The following SGCZ variants were observed in gnomAD, a reference collection of about 807,000 sequenced individuals.
SGCZ encodes zeta-sarcoglycan.
In SGCZ, 40 loss-of-function variants were observed where a neutral mutation model predicts 41.3. The observed-to-expected ratio is 0.97, with a 90% CI of 0.75 to 1.26. The LOEUF (loss-of-function observed/expected upper bound fraction) is 1.26, where lower values mean the gene tolerates loss of function less well. Ranked by LOEUF, SGCZ falls within the 50% of genes most tolerant of loss-of-function variation. SGCZ has a pLI of 0.00. For missense variants in SGCZ, 552 were observed against 369.8 expected (o/e 1.49, Z -4.04); for synonymous variants, 206 against 137.5 (o/e 1.50, Z -3.49).
chr8:15,097,405 T>C (rs1338274354), intron 1 of SGCZ, among the ~76,000 whole-genome samples: 2 of 151,966 alleles, frequency 1.3e-5, no homozygotes, highest in Non-Finnish European at 2.9e-5. Context: ...ACCGCAACTA[T>C]AGTCAGTGCA....
chr8:14,795,128 G>A (rs1308196356), intron 1 of SGCZ, among the ~76,000 whole-genome samples: 2 of 152,238 alleles, frequency 1.3e-5, no homozygotes, highest in East Asian at 1.9e-4. Context: ...AAGTAGGAGG[G>A]TTTAAAATCA....
intron 4 of SGCZ, among the ~76,000 whole-genome samples, chr8:14,209,705 T>C (rs1480579365): frequency 6.6e-6 from 1 of 152,202 alleles, no homozygotes; most frequent in Admixed American, 6.5e-5. Flanking sequence ...TAAATTTATG[T>C]GACATATTTA....
At chr8:14,910,193 C>T (rs1423274570) in intron 1 of SGCZ, among the ~76,000 whole-genome samples, 1 of 98,538 alleles carries the variant, frequency 1.0e-5, no homozygotes, top group Non-Finnish European at 1.9e-5. Flanking sequence ...ACATATCTTC[C>T]ATCTACTCAT....
intron 1 of SGCZ, among the ~76,000 whole-genome samples, chr8:14,935,623 G>A (rs961446136): frequency 6.6e-6 from 1 of 151,674 alleles, no homozygotes; most frequent in South Asian, 2.1e-4. Flanking sequence ...TAAAGGTGCA[G>A]ATAAAAAGTC....
chr8:14,427,140 T>C (rs1799810589), intron 2 of SGCZ, among the ~76,000 whole-genome samples: 1 of 151,754 alleles, frequency 6.6e-6, no homozygotes, highest in African/African-American at 2.4e-5. Context: ...AATGTGCTCA[T>C]TCAAGTAGAA....
At position 14,720,073 on chromosome 8, in the gene SGCZ, G is replaced by T. The variant is rs113957190; in HGVS notation, c.40-165147C>A. Among the ~76,000 whole-genome samples, 305 of 152,042 alleles carry T rather than the reference G, an allele frequency of 2.0e-3. 2 individuals carry two copies. Among genetic ancestry groups the T allele is most frequent in the African/African-American group, 7.1e-3 (295 of 41,512 alleles). Reference sequence around the variant, plus strand: ...GATCCAGTTTCAGCTTTCTACATATGGCTAGCCAGTTTTCCCAGCAAGTTC... The same window carrying T: ...GATCCAGTTTCAGCTTTCTACATATTGCTAGCCAGTTTTCCCAGCAAGTTC... On this transcript the variant is annotated intron_variant, in intron 1 of 7. Coordinates refer to ENST00000382080, the MANE Select transcript of SGCZ (RefSeq NM_139167.4).
intron 2 of SGCZ, among the ~76,000 whole-genome samples, chr8:14,533,735 T>C (rs1270738713): frequency 6.6e-6 from 1 of 152,052 alleles, no homozygotes; most frequent in Non-Finnish European, 1.5e-5. Flanking sequence ...TGGCAGATGA[T>C]AAGTTTAAAC....
intron 2 of SGCZ, among the ~76,000 whole-genome samples, chr8:14,379,477 T>G (rs1202627316): frequency 6.6e-6 from 1 of 152,150 alleles, no homozygotes; most frequent in Admixed American, 6.5e-5. Flanking sequence ...ACAGGTATAA[T>G]CTTGGGCAAA....
chr8:14,355,424 A>G (rs1369615127), intron 2 of SGCZ, among the ~76,000 whole-genome samples: 2 of 152,054 alleles, frequency 1.3e-5, no homozygotes, highest in Non-Finnish European at 2.9e-5. Context: ...AGAGACTTTC[A>G]TTTATTCTTT....
chr8:14,675,891 A>T (rs1808262232), intron 1 of SGCZ, among the ~76,000 whole-genome samples: 1 of 152,162 alleles, frequency 6.6e-6, no homozygotes, highest in Admixed American at 6.5e-5. Context: ...CTGAGTTTGG[A>T]GACAGGTTTC....
At chr8:14,831,675 A>G (rs1038292915) in intron 1 of SGCZ, among the ~76,000 whole-genome samples, 1 of 151,392 alleles carries the variant, frequency 6.6e-6, no homozygotes, top group African/African-American at 2.4e-5. Flanking sequence ...CACTTGTCTC[A>G]GTATACAATT....
chr8:15,170,279 C>A (rs759656662), intron 1 of SGCZ, among the ~76,000 whole-genome samples: 7 of 152,198 alleles, frequency 4.6e-5, no homozygotes, highest in African/African-American at 7.2e-5. Flanking sequence ...CTCAAGGACA[C>A]ATTTGATCTA....
chr8:14,122,293 A>C (rs1802722969), intron 5 of SGCZ, among the ~76,000 whole-genome samples: 1 of 152,098 alleles, frequency 6.6e-6, no homozygotes, highest in East Asian at 1.9e-4. Context: ...AACAAAACAA[A>C]ACAAAAGACT....
At chr8:15,144,913 TCTG>T (rs1176616632) in intron 1 of SGCZ, among the ~76,000 whole-genome samples, 1 of 152,220 alleles carries the variant, frequency 6.6e-6, no homozygotes, top group Non-Finnish European at 1.5e-5. Flanking sequence ...ATACATTCCA[TCTG>T]CTGCTTTTAT....
intron 2 of SGCZ, among the ~76,000 whole-genome samples, chr8:14,336,301 T>C (rs1802504082): frequency 6.6e-6 from 1 of 152,180 alleles, no homozygotes; most frequent in East Asian, 1.9e-4. Flanking sequence ...GTGCCACATT[T>C]TTTATTCAGT....
intron 1 of SGCZ, among the ~76,000 whole-genome samples, chr8:14,625,736 T>A (rs752630117): frequency 1.3e-5 from 2 of 152,110 alleles, no homozygotes; most frequent in Non-Finnish European, 2.9e-5. Context: ...TGGCTAGAAG[T>A]GAACAGTGTA....
At chr8:14,892,651 G>A (rs564901712) in intron 1 of SGCZ, among the ~76,000 whole-genome samples, 4 of 152,014 alleles carry the variant, frequency 2.6e-5, no homozygotes, top group African/African-American at 7.2e-5. Context: ...GAAAAAATAA[G>A]GATTGTTTAT....
intron 5 of SGCZ, among the ~76,000 whole-genome samples, chr8:14,124,459 G>C (rs75908391): frequency 2.0e-3 from 301 of 152,236 alleles, no homozygotes; most frequent in Non-Finnish European, 3.7e-3. Context: ...TCCTTTTGAA[G>C]ACAATGGTCA....
chr8:14,474,499 A>C (rs1210133147), intron 2 of SGCZ, among the ~76,000 whole-genome samples: 1 of 152,236 alleles, frequency 6.6e-6, no homozygotes, highest in African/African-American at 2.4e-5. Context: ...TTGCAGCAAT[A>C]GTCATCATAA....
Sources: allele counts gnomAD v4.1 joint callset (sites outside exome capture counted in the v4.1 genomes callset), GRCh38; gene constraint gnomAD v4.1.1; transcripts MANE v1.5; gene names NCBI Gene and HGNC (gene_info 2026-07-23, HGNC 2026-07-21).